The following FOSL1 variants were observed in gnomAD, a reference collection of about 807,000 sequenced individuals.
The protein encoded by FOSL1 is fos-related antigen 1.
In FOSL1, 14 loss-of-function variants were observed where a neutral mutation model predicts 24.9. The observed-to-expected ratio is 0.56, with a 90% confidence interval of 0.37 to 0.88. The LOEUF is 0.88. Among genes scored for constraint, FOSL1 ranks in the 40% least tolerant of loss-of-function variants. FOSL1 has a pLI of 0.00. For synonymous variants in FOSL1, 133 were observed against 145.1 expected (o/e 0.92, Z 0.60); for missense variants, 318 against 359.8 (o/e 0.88, Z 0.94).
chr11:65,896,857 G>C lies in FOSL1; in HGVS notation c.249C>G (p.Ile83Met). Residue 83 changes from isoleucine (I) to methionine (M), a missense_variant, in exon 2 of 4, where the codon ATC (isoleucine) becomes ATG (methionine). Coordinates refer to ENST00000312562, the MANE Select transcript of FOSL1 (RefSeq NM_005438.5). ...YSPPQPRPGVIRALGPPPGVR... is the reference protein window; with the variant it reads ...YSPPQPRPGVMRALGPPPGVR... ...CCCCTGGAGGCGGCCCCAGGGCCCG[G>C]ATGACTCCTGGCCGGGGTTGTGGGG... is the stretch of plus-strand genomic sequence containing the variant. 6.2e-7 allele frequency: 1 copy of C among 1,613,628 alleles called. No homozygotes were observed. Among genetic ancestry groups the C allele is most frequent in the Non-Finnish European group, 8.5e-7 (1 of 1,179,684 alleles).
chr11:65,894,418 CAGGA>C (rs1404553421), intron 2 of FOSL1, among the ~76,000 whole-genome samples: 7 of 152,146 alleles, frequency 4.6e-5, no homozygotes, highest in African/African-American at 1.7e-4. Flanking sequence ...CTCCTGCCTC[CAGGA>C]AGCCGTCTTA....
Position 65,892,710 on chromosome 11 carries a change from T to C in FOSL1, c.*176A>G. On this transcript the variant is annotated 3_prime_UTR_variant, in exon 4 of 4. Transcript: ENST00000312562. ...AGCTCAAGAGAAACAGTGGGCAGCTTTGGTGGCCCCAAGCTGGCTCTACTG... is the reference window on the plus strand; with the variant it reads ...AGCTCAAGAGAAACAGTGGGCAGCTCTGGTGGCCCCAAGCTGGCTCTACTG... 1 of 715,078 alleles carries C rather than the reference T, an allele frequency of 1.4e-6. No homozygotes were observed. The highest frequency in any genetic ancestry group is 2.5e-6 in the Non-Finnish European group (1 of 398,986). The allele number at this position is 715,078 out of a possible 1,614,324, so 44.3% of individuals were successfully genotyped here.
chr11:65,892,789 T>A lies in FOSL1; in HGVS notation c.*97A>T. On this transcript the variant is annotated 3_prime_UTR_variant, in exon 4 of 4. Transcript: ENST00000312562. ...AGGGATGGAGAAGAAGTTGCTGGAG[T>A]TGGATGTGGGATACTGTCCAGGCCA... 1.7e-6 allele frequency: 2 copies of A among 1,176,054 alleles called. No individual in the cohort carries two copies. Among genetic ancestry groups the A allele is most frequent in the African/African-American group, 3.0e-5 (2 of 66,626 alleles). 72.9% of individuals were successfully genotyped at this position (1,176,054 alleles called of 1,614,324 possible).
Position 65,892,978 on chromosome 11 carries a change from C to T in FOSL1, c.724G>A (p.Glu242Lys), listed in dbSNP as rs969027308. ...TTGCGATGAGCTGAGGCACAAGGCT[C>T]AGGAGTGCTGGGGTAGGTGAAGACC... The part of the protein sequence containing the change: ...SLVFTYPSTP[E>K]PCASAHRKSS... Residue 242 changes from glutamate to lysine, a missense_variant, in exon 4 of 4, where the codon GAG becomes AAG. Glu to Lys is a moderately conservative substitution (Grantham distance 56). Coordinates refer to ENST00000312562, the MANE Select transcript of FOSL1 (RefSeq NM_005438.5). 1.2e-5 allele frequency: 19 copies of T among 1,612,610 alleles called. No individual in the cohort carries two copies. Among genetic ancestry groups the T allele is most frequent in the Admixed American group, 1.7e-5 (1 of 59,962 alleles).
Position 65,892,890 on chromosome 11 carries a change from A to G in FOSL1, c.812T>C (p.Leu271Ser), listed in dbSNP as rs1182833241. ...DPLGSPTLLAL is the reference protein window; with the variant it reads ...DPLGSPTLLAS ...AGGGAGTAGGGCTCAGGCGCCTCACAAAGCGAGGAGGGTTGGAGAGCCAAG... is the reference window on the plus strand; with the variant it reads ...AGGGAGTAGGGCTCAGGCGCCTCACGAAGCGAGGAGGGTTGGAGAGCCAAG... The change falls in exon 4 of 4, where the codon TTG becomes TCG. Residue 271 changes from leucine to serine, a missense_variant. Coordinates refer to ENST00000312562, the MANE Select transcript of FOSL1 (RefSeq NM_005438.5). 6.2e-7 allele frequency: 1 copy of G among 1,610,974 alleles called. No individual in the cohort carries two copies. The highest frequency in any genetic ancestry group is 8.5e-7 in the Non-Finnish European group (1 of 1,179,680).
In FOSL1 at chr11:65,894,087, C is replaced by A. The variant is rs760600411; in HGVS notation, c.332G>T (p.Arg111Met). ...CGCAGCCAGCTTGTTCCGCTCGCGC[C>A]TTACTCGGCGGCGCTCCTCTTCCTC... ...SPEEEERRRV[R>M]RERNKLAAAK... The change falls in exon 3 of 4, where the codon AGG (arginine) becomes ATG (methionine). Residue 111 changes from arginine to methionine, a missense_variant. By Grantham distance (91) the Arg-to-Met change is moderately conservative (BLOSUM62 -1). Transcript: ENST00000312562. 1 of 1,610,252 alleles carries A rather than the reference C, an allele frequency of 6.2e-7. No homozygotes were observed. Among genetic ancestry groups the A allele is most frequent in the Non-Finnish European group, 8.5e-7 (1 of 1,179,628 alleles).
intron 2 of FOSL1, 40 bp from the exon 3 acceptor site, chr11:65,894,161 T>C (rs1860466849): frequency 6.8e-7 from 1 of 1,474,754 alleles, no homozygotes; most frequent in Non-Finnish European, 9.3e-7. Flanking sequence ...CCTGGGCTAC[T>C]GGCTGCCTGG....
chr11:65,897,080 A>G (rs1860547565), intron 1 of FOSL1, 74 bp from the exon 2 acceptor site: 1 of 1,083,510 alleles, frequency 9.2e-7, no homozygotes, highest in Non-Finnish European at 1.4e-6. Context: ...CAGAGGCTAC[A>G]CTGCTGTCTA....
At chr11:65,899,811 T>A (rs1306109881) in intron 1 of FOSL1, among the ~76,000 whole-genome samples, 1 of 152,014 alleles carries the variant, frequency 6.6e-6, no homozygotes, top group African/African-American at 2.4e-5. Flanking sequence ...TCCCGACGGA[T>A]CCCGCCTCCC....
chr11:65,893,145 G>T lies in FOSL1; in HGVS notation c.557C>A (p.Thr186Asn), dbSNP rs1860433994. 1 of 1,613,290 alleles carries T rather than the reference G, an allele frequency of 6.2e-7. No homozygotes were observed. Among genetic ancestry groups the T allele is most frequent in the Non-Finnish European group, 8.5e-7 (1 of 1,179,936 alleles). ...EGAKEGDTGS[T>N]SGTSSPPAPC... ...GGCTGGTGGGCTGCTGGTGCCACTG[G>T]TACTGCCTGTGTCCCCCTCCTTGGC... is the stretch of plus-strand genomic sequence containing the variant. Residue 186 changes from threonine to asparagine, a missense_variant, in exon 4 of 4, where the codon ACC (threonine) becomes AAC (asparagine). Physicochemically the swap from Thr to Asn is moderately conservative, Grantham distance 65. Coordinates refer to ENST00000312562, the MANE Select transcript of FOSL1 (RefSeq NM_005438.5).
intron 1 of FOSL1, among the ~76,000 whole-genome samples, chr11:65,898,978 G>GAAA (rs57833260): frequency 2.2e-4 from 6 of 26,750 alleles, no homozygotes; most frequent in African/African-American, 3.1e-4. Flanking sequence ...AAAAAAAAAA[G>GAAA]AAAAGAAAGA....
At position 65,892,538 on chromosome 11, in the gene FOSL1, T is replaced by G; in HGVS notation, c.*348A>C. The stretch of plus-strand genomic sequence containing the variant: ...GGTTGGGTGGATCACAGGAAGAGGG[T>G]GATGGAGAGTGTGGCAGTGATCTGG... On this transcript the variant is annotated 3_prime_UTR_variant, in exon 4 of 4. Coordinates refer to ENST00000312562, the MANE Select transcript of FOSL1 (RefSeq NM_005438.5). The G allele has an allele frequency of 2.0e-6, 1 of 510,278 alleles. No homozygotes were observed. 31.6% of individuals were successfully genotyped at this position (510,278 alleles called of 1,614,324 possible). A position where few individuals can be genotyped will look rare whatever the true frequency, so the allele number is the denominator to read the frequency against.
At chr11:65,897,738 G>A (rs1406859207) in intron 1 of FOSL1, among the ~76,000 whole-genome samples, 5 of 152,144 alleles carry the variant, frequency 3.3e-5, no homozygotes, top group Admixed American at 3.3e-4. Context: ...CCGTTTGCAC[G>A]AAGAGGATAA....
intron 1 of FOSL1, among the ~76,000 whole-genome samples, chr11:65,898,189 C>T (rs557111251): frequency 4.3e-4 from 66 of 151,912 alleles, no homozygotes; most frequent in Admixed American, 3.7e-3. Context: ...TACAGGCGCC[C>T]ACAACTGTGC....
chr11:65,896,379 G>C (rs1448553277), intron 2 of FOSL1, among the ~76,000 whole-genome samples: 1 of 152,150 alleles, frequency 6.6e-6, no homozygotes, highest in Non-Finnish European at 1.5e-5. Flanking sequence ...TGAGGGAGTA[G>C]CTGAAGGGAA....
chr11:65,896,990 G>A lies in FOSL1; in HGVS notation c.116C>T (p.Pro39Leu). 1.9e-6 allele frequency: 3 copies of A among 1,613,892 alleles called. No individual in the cohort carries two copies. Among genetic ancestry groups the A allele is most frequent in the South Asian group, 1.1e-5 (1 of 91,080 alleles). The stretch of plus-strand genomic sequence containing the variant: ...ACTGCCACTCATGGTGTTGATGCTT[G>A]GCACCAGGTGGAACTTCTAAGGAAT... ...QAAQQKFHLV[P>L]SINTMSGSQE... The change falls in exon 2 of 4, where the codon CCA becomes CTA. Residue 39 changes from proline to leucine, a missense_variant. Pro to Leu is a moderately conservative substitution (Grantham distance 98, BLOSUM62 -3). Transcript: ENST00000312562.
At chr11:65,898,058 T>TTTTTTTTTTTTA (rs1565290182) in intron 1 of FOSL1, among the ~76,000 whole-genome samples, 40 of 144,526 alleles carry the variant, frequency 2.8e-4, no homozygotes, top group South Asian at 4.5e-4. Flanking sequence ...TTTTTTTTTT[T>TTTTTTTTTTTTA]GAGACACAGT....
chr11:65,900,236 C>T lies in FOSL1; in HGVS notation c.99+5G>A, dbSNP rs1237486695. ...GTGGGACCACCGGCGTCGGGCCCCA[C>T]TCACCTGCTGGGCTGCCTGCGCTGC... On this transcript the variant is annotated splice_donor_5th_base_variant and intron_variant, in intron 1 of 3. Coordinates refer to ENST00000312562, the MANE Select transcript of FOSL1 (RefSeq NM_005438.5). 2 of 1,232,900 alleles carry T rather than the reference C, an allele frequency of 1.6e-6. No individual in the cohort carries two copies. 76.4% of individuals were successfully genotyped at this position (1,232,900 alleles called of 1,614,324 possible).
At chr11:65,897,044 G>C (rs772768855) in intron 1 of FOSL1, 38 bp from the exon 2 acceptor site, 2 of 1,526,298 alleles carry the variant, frequency 1.3e-6, no homozygotes, top group Admixed American at 1.7e-5. Flanking sequence ...GATGAGGTCC[G>C]TGTGGATTGA....
Sources: allele counts gnomAD v4.1 joint callset (sites outside exome capture counted in the v4.1 genomes callset), GRCh38; gene constraint gnomAD v4.1.1; transcripts MANE v1.5; gene names NCBI Gene and HGNC (gene_info 2026-07-23, HGNC 2026-07-21).